The following RAF1 variants were observed in gnomAD, a reference collection of about 807,000 sequenced individuals.
The protein encoded by RAF1 is Raf-1 proto-oncogene, serine/threonine kinase.
RAF1 carries 27 observed loss-of-function variants against 81.1 expected under a neutral mutation model. The ratio of observed to expected loss-of-function variants is 0.33; its 90% CI spans 0.25 to 0.46. RAF1 has a LOEUF of 0.46. Among genes scored for constraint, RAF1 ranks in the 20% least tolerant of loss-of-function variants. RAF1 has a pLI of 1.00. For synonymous variants in RAF1, 298 were observed against 294.0 expected (o/e 1.01, Z -0.14); for missense variants, 598 against 826.0 (o/e 0.72, Z 3.38).
intron 3 of RAF1, among the ~76,000 whole-genome samples, chr3:12,609,690 AGGCTGGTCTTGAATCCCT>A (rs1420596201): frequency 3.3e-5 from 5 of 152,176 alleles, no homozygotes; most frequent in Non-Finnish European, 5.9e-5. Flanking sequence ...TGTGTTGCCC[AGGCTGGTCTTGAATCCCT>A]GGCCTCAAGC....
rs2058299668 is a variant in RAF1, at chr3:12,585,398, A to C, written c.1597-145T>G. 3 of 1,534,206 alleles carry C rather than the reference A, an allele frequency of 2.0e-6. No homozygotes were observed. In the South Asian group the frequency reaches 3.6e-5, roughly 18 times the overall value. ...ATAGCTTTTCCCCCAAAGGACTCCA[A>C]CTCAGGCACTGGTTAAAACAGCTCA... On this transcript the variant is annotated intron_variant, in intron 15 of 17. Coordinates refer to ENST00000442415, the MANE Select transcript of RAF1 (RefSeq NM_001354689.3).
At chr3:12,641,490 GTTTTT>G (rs747472648) in intron 1 of RAF1, among the ~76,000 whole-genome samples, 6 of 134,614 alleles carry the variant, frequency 4.5e-5, no homozygotes, top group African/African-American at 1.6e-4. Flanking sequence ...ATGTTTTTTG[GTTTTT>G]TTTTTTTTTT....
intron 1 of RAF1, among the ~76,000 whole-genome samples, chr3:12,639,871 T>G (rs1280391905): frequency 2.6e-5 from 4 of 152,096 alleles, no homozygotes; most frequent in Non-Finnish European, 5.9e-5. Flanking sequence ...AAAACTACTT[T>G]AAAGTTCATA....
chr3:12,634,313 ATTT>A (rs375472091), intron 1 of RAF1, among the ~76,000 whole-genome samples: 1 of 141,004 alleles, frequency 7.1e-6, no homozygotes, highest in Non-Finnish European at 1.6e-5. Context: ...CGCCTGGCTA[ATTT>A]TTTTTTTTTT....
At chr3:12,654,296 A>G (rs2060619905) in intron 1 of RAF1, among the ~76,000 whole-genome samples, 1 of 151,756 alleles carries the variant, frequency 6.6e-6, no homozygotes, top group Non-Finnish European at 1.5e-5. Flanking sequence ...CCCTAAATAC[A>G]TTATAGAATA....
chr3:12,644,615 G>A (rs938032261), intron 1 of RAF1, among the ~76,000 whole-genome samples: 7 of 152,186 alleles, frequency 4.6e-5, no homozygotes, highest in African/African-American at 1.7e-4. Flanking sequence ...CTTAGCAAGG[G>A]CTAGCAGTCA....
chr3:12,606,173 A>G (rs1226790535), intron 6 of RAF1, 28 bp downstream of exon 6: 6 of 1,563,784 alleles, frequency 3.8e-6, no homozygotes, highest in Admixed American at 1.7e-5. Context: ...ATAACTTTCT[A>G]AAAGAAAAGC....
At chr3:12,624,586 G>C (rs1160281573) in intron 1 of RAF1, among the ~76,000 whole-genome samples, 1 of 152,090 alleles carries the variant, frequency 6.6e-6, no homozygotes, top group Non-Finnish European at 1.5e-5. Context: ...ATAAGCCAAA[G>C]TGAAAATCAG....
chr3:12,603,986 T>C, intron 7 of RAF1, 150 bp downstream of exon 7: 2 of 842,506 alleles, frequency 2.4e-6, no homozygotes, highest in South Asian at 1.5e-5. Context: ...TCTGAAGATA[T>C]TATGGATATA....
intron 14 of RAF1, chr3:12,587,365 A>T: frequency 1.7e-6 from 1 of 581,994 alleles, no homozygotes. Context: ...TAAACTCAGA[A>T]AGGAACCTAA....
chr3:12,618,895 G>C (rs1305105319), intron 1 of RAF1, 148 bp from the exon 2 acceptor site: 9 of 665,210 alleles, frequency 1.4e-5, no homozygotes, highest in South Asian at 1.8e-5. Flanking sequence ...TTCTTTAATA[G>C]TACACTTCCA....
intron 1 of RAF1, among the ~76,000 whole-genome samples, chr3:12,640,799 G>A (rs2060160764): frequency 2.0e-5 from 3 of 152,132 alleles, no homozygotes; most frequent in Admixed American, 2.0e-4. Context: ...GTGGAAGTCA[G>A]TGTGGCGATT....
At chr3:12,638,311 G>A (rs2060087799) in intron 1 of RAF1, among the ~76,000 whole-genome samples, 1 of 152,142 alleles carries the variant, frequency 6.6e-6, no homozygotes, top group Admixed American at 6.6e-5. Flanking sequence ...CAGTGCAGTC[G>A]TTTATGAACC....
At chr3:12,635,616 A>G (rs1427039101) in intron 1 of RAF1, among the ~76,000 whole-genome samples, 2 of 140,482 alleles carry the variant, frequency 1.4e-5, no homozygotes, top group Admixed American at 7.6e-5. Flanking sequence ...AGCCTGGGCA[A>G]AAAGAGTGAA....
At chr3:12,602,776 A>T (rs1263247530) in intron 8 of RAF1, among the ~76,000 whole-genome samples, 1 of 152,240 alleles carries the variant, frequency 6.6e-6, no homozygotes, top group Non-Finnish European at 1.5e-5. Flanking sequence ...TCCTCACAAT[A>T]GTGGCAGGAC....
intron 1 of RAF1, among the ~76,000 whole-genome samples, chr3:12,627,201 T>C (rs1004220672): frequency 2.0e-5 from 3 of 152,164 alleles, no homozygotes; most frequent in Admixed American, 6.6e-5. Flanking sequence ...AGTGTATTCA[T>C]AATTTATCAT....
At position 12,618,697 on chromosome 3, in the gene RAF1, T is replaced by C; in HGVS notation, c.25A>G (p.Lys9Glu). The C allele has an allele frequency of 6.2e-7, 1 of 1,614,206 alleles. No homozygotes were observed. The highest frequency in any genetic ancestry group is 8.5e-7 in the Non-Finnish European group (1 of 1,180,024). Reference sequence around the variant, plus strand: ...AATCCAAAACCATTGCTGATCGTCTTCCAAGCTCCCTGTATGTGCTCCATT... The same window carrying C: ...AATCCAAAACCATTGCTGATCGTCTCCCAAGCTCCCTGTATGTGCTCCATT... Residue 9 changes from lysine (K) to glutamate (E), a missense_variant, in exon 2 of 18, where the codon AAG becomes GAG. Lys to Glu is a moderately conservative substitution (Grantham distance 56). Transcript: ENST00000442415.
intron 1 of RAF1, among the ~76,000 whole-genome samples, chr3:12,635,736 G>A (rs1575635237): frequency 6.6e-6 from 1 of 151,830 alleles, no homozygotes. Context: ...CACTTTGGGA[G>A]GCCAAGGTGG....
chr3:12,655,225 G>A (rs1443791056), intron 1 of RAF1, among the ~76,000 whole-genome samples: 1 of 152,118 alleles, frequency 6.6e-6, no homozygotes, highest in African/African-American at 2.4e-5. Flanking sequence ...TGGGATTACA[G>A]GCATGCGCCA....
Sources: allele counts gnomAD v4.1 joint callset (sites outside exome capture counted in the v4.1 genomes callset), GRCh38; gene constraint gnomAD v4.1.1; transcripts MANE v1.5; gene names NCBI Gene and HGNC (gene_info 2026-07-23, HGNC 2026-07-21).